Variants in KRT40 observed in about 807,000 individuals in gnomAD.
The protein encoded by KRT40 is keratin, type I cytoskeletal 40.
KRT40 carries 47 observed loss-of-function variants against 43.5 expected under a neutral mutation model. That is an observed-to-expected ratio of 1.08 (90% CI 0.86 to 1.38). The LOEUF (loss-of-function observed/expected upper bound fraction) is 1.38, where lower values mean the gene tolerates loss of function less well. KRT40 is among the 40% of genes most tolerant of loss of function. The pLI, the probability that KRT40 is intolerant of heterozygous loss-of-function variation, is 0.00. For missense variants in KRT40, 573 were observed against 523.6 expected (o/e 1.09, Z -0.92); for synonymous variants, 212 against 214.0 (o/e 0.99, Z 0.08).
At chr17:40,982,510 T>C in intron 2 of KRT40, 47 bp from the exon 3 acceptor site, 1 of 1,459,876 alleles carries the variant, frequency 6.8e-7, no homozygotes, top group Non-Finnish European at 9.1e-7. Context: ...CTGAACGCTG[T>C]GCAAAGTGTG....
chr17:40,980,893 C>T lies in KRT40; in HGVS notation c.867G>A (p.Gln289=), dbSNP rs765614023. The change falls in exon 5 of 7, where the codon CAG becomes CAA. Residue 289 remains glutamine, a synonymous_variant. Transcript: ENST00000377755. Reference sequence around the variant, plus strand: ...GCTGCTCCGCGCTGGACAGTTGCTGCTGATTCAGCTCTTCTGTCTGAAACA... The same window carrying T: ...GCTGCTCCGCGCTGGACAGTTGCTGTTGATTCAGCTCTTCTGTCTGAAACA... The part of the protein sequence containing the change: ...WLAVQTEELN[Q]QQLSSAEQLQ... 4.3e-6 allele frequency: 7 copies of T among 1,614,014 alleles called. No homozygotes were observed. The Admixed American group carries it at 1.2e-4, about 27-fold the overall frequency.
chr17:40,978,856 G>T lies in KRT40; in HGVS notation c.1144C>A (p.Leu382Met), dbSNP rs1170873928. The T allele has an allele frequency of 1.2e-6, 2 of 1,612,196 alleles. No individual in the cohort carries two copies. Among genetic ancestry groups the T allele is most frequent in the East Asian group, 4.5e-5 (2 of 44,824 alleles). Residue 382 changes from leucine (L) to methionine (M), a missense_variant, in exon 6 of 7, where the codon CTG (leucine) becomes ATG (methionine). Transcript: ENST00000377755. Reference sequence around the variant, plus strand: ...CAGTACGTGTTGATCTCACCCTCCAGCCGGGCCTTCACGTCCAGGAGCACC... The same window carrying T: ...CAGTACGTGTTGATCTCACCCTCCATCCGGGCCTTCACGTCCAGGAGCACC... The part of the protein sequence containing the change: ...YQVLLDVKAR[L>M]EGEINTYWGL...
upstream of KRT40, among the ~76,000 whole-genome samples, chr17:40,984,900 A>G (rs1329858099): frequency 6.8e-6 from 1 of 148,034 alleles, no homozygotes; most frequent in Non-Finnish European, 1.5e-5. Flanking sequence ...CTGCGTACAA[A>G]TGGAAAAGTC....
At position 40,978,815 on chromosome 17, in the gene KRT40, G is replaced by A. The variant is rs1215380560; in HGVS notation, c.1185C>T (p.Ser395=). The part of the protein sequence containing the change: ...EINTYWGLLD[S]EDSRLSCSPC... The stretch of plus-strand genomic sequence containing the variant: ...ACTGTGGAACTTGCCTGCTGTCCTC[G>A]CTGTCCAGCAGGCCCCAGTACGTGT... The change falls in exon 6 of 7, where the codon AGC becomes AGT. Residue 395 remains serine, a synonymous_variant. Coordinates refer to ENST00000377755, the MANE Select transcript of KRT40 (RefSeq NM_001389244.1). 2 of 1,611,120 alleles carry A rather than the reference G, an allele frequency of 1.2e-6. No individual in the cohort carries two copies. The highest frequency in any genetic ancestry group is 1.3e-5 in the African/African-American group (1 of 74,804).
chr17:40,981,181 C>A, intron 3 of KRT40, 30 bp from the exon 4 acceptor site: 1 of 1,612,168 alleles, frequency 6.2e-7, no homozygotes, highest in Non-Finnish European at 8.5e-7. Flanking sequence ...AAGAATGTCA[C>A]AGAATGGTGG....
Position 40,980,878 on chromosome 17 carries a change from G to A in KRT40, c.882C>T (p.Ser294=), listed in dbSNP as rs1295912254. 4 of 1,613,970 alleles carry A rather than the reference G, an allele frequency of 2.5e-6. No homozygotes were observed. The highest frequency in any genetic ancestry group is 1.1e-5 in the South Asian group (1 of 91,068). The change falls in exon 5 of 7, where the codon AGC becomes AGT. Residue 294 remains serine (S), a synonymous_variant. Transcript: ENST00000377755. ...TCTGGCAGCCCTGCAGCTGCTCCGC[G>A]CTGGACAGTTGCTGCTGATTCAGCT... ...TEELNQQQLS[S]AEQLQGCQME... is the part of the protein sequence containing the mutation.
chr17:40,983,825 AC>A lies in KRT40; in HGVS notation c.447+1del, dbSNP rs764212901. 6.2e-7 allele frequency: 1 copy of A among 1,612,550 alleles called. No individual in the cohort carries two copies. The highest frequency in any genetic ancestry group is 2.2e-5 in the East Asian group (1 of 44,826). ...GGAGCACTAGGGCAACAGGACACAG[AC>A]CTTTTGTTGGAGATCTTCAATGGTG... is the stretch of plus-strand genomic sequence containing the variant. On this transcript the variant is annotated splice_donor_variant, in intron 1 of 6. Transcript: ENST00000377755. LOFTEE classifies it high-confidence loss of function.
intron 3 of KRT40, 103 bp downstream of exon 3, chr17:40,982,204 A>G (rs1912199197): frequency 8.7e-7 from 1 of 1,148,066 alleles, no homozygotes; most frequent in East Asian, 2.7e-5. Context: ...ATTCCAGCTT[A>G]AACAACATCT....
Position 40,982,307 on chromosome 17 carries a change from C to T in KRT40, c.687G>A (p.Glu229=). 3 of 1,553,636 alleles carry T rather than the reference C, an allele frequency of 1.9e-6. No individual in the cohort carries two copies. The highest frequency in any genetic ancestry group is 1.2e-5 in the South Asian group (1 of 80,446). Residue 229 remains glutamate (E), a splice_region_variant and synonymous_variant, in exon 3 of 7, where the codon GAG becomes GAA. Coordinates refer to ENST00000377755, the MANE Select transcript of KRT40 (RefSeq NM_001389244.1). The part of the protein sequence containing the change: ...DLLCLKKNHE[E]EVNLLREQLG... ...TCAGCGGAGTTGCCACTTTCCTTAC[C>T]TCTTCATGGTTTTTCTTAAGGCAAA...
rs546727328 is a variant in KRT40 at position 40,983,483 on chromosome 17, A to G, written c.447+344T>C. On this transcript the variant is annotated intron_variant, in intron 1 of 6. Transcript: ENST00000377755. ...GGAGAGAAGAAAATGATTACTAGGTAGTTAAAAAGATGGCATTTCATGATC... is the reference window on the plus strand; with the variant it reads ...GGAGAGAAGAAAATGATTACTAGGTGGTTAAAAAGATGGCATTTCATGATC... Among the ~76,000 whole-genome samples, 18 of 152,344 alleles carry G rather than the reference A, an allele frequency of 1.2e-4. No individual in the cohort carries two copies. The South Asian group carries it at 3.5e-3, about 30-fold the overall frequency.
At position 40,978,833 on chromosome 17, in the gene KRT40, G is replaced by A. The variant is rs1911947366; in HGVS notation, c.1167C>T (p.Tyr389=). ...TGTCCTCGCTGTCCAGCAGGCCCCA[G>A]TACGTGTTGATCTCACCCTCCAGCC... ...KARLEGEINT[Y]WGLLDSEDSR... is the part of the protein sequence containing the mutation. The change falls in exon 6 of 7, where the codon TAC becomes TAT. Residue 389 remains tyrosine, a synonymous_variant. Coordinates refer to ENST00000377755, the MANE Select transcript of KRT40 (RefSeq NM_001389244.1). 2 of 1,612,894 alleles carry A rather than the reference G, an allele frequency of 1.2e-6. No individual in the cohort carries two copies. The highest frequency in any genetic ancestry group is 1.7e-6 in the Non-Finnish European group (2 of 1,179,992).
At position 40,982,436 on chromosome 17, in the gene KRT40, C is replaced by T; in HGVS notation, c.558G>A (p.Gln186=). 6.2e-7 allele frequency: 1 copy of T among 1,605,496 alleles called. No homozygotes were observed. The highest frequency in any genetic ancestry group is 8.5e-7 in the Non-Finnish European group (1 of 1,176,190). The part of the protein sequence containing the change: ...SKYESELSLR[Q]LLEADISSLH... ...GGCTGCTGATGTCAGCCTCTAACAGCTGGCGAAGGGACAGTTCACTCTCGT... is the reference window on the plus strand; with the variant it reads ...GGCTGCTGATGTCAGCCTCTAACAGTTGGCGAAGGGACAGTTCACTCTCGT... The change falls in exon 3 of 7, where the codon CAG becomes CAA. Residue 186 remains glutamine, a synonymous_variant. Transcript: ENST00000377755.
rs755061052 is a variant in KRT40 at position 40,983,846 on chromosome 17, A to G, written c.428T>C (p.Ile143Thr). ...ACAGACCTTTTGTTGGAGATCTTCA[A>G]TGGTGTTGAAGTAACGCTGATAATC... ...CPDYQRYFNT[I>T]EDLQQKILCT... is the part of the protein sequence containing the mutation. The change falls in exon 1 of 7, where the codon ATT becomes ACT. Residue 143 changes from isoleucine (I) to threonine (T), a missense_variant. By Grantham distance (89) the Ile-to-Thr change is moderately conservative (BLOSUM62 -1). Coordinates refer to ENST00000377755, the MANE Select transcript of KRT40 (RefSeq NM_001389244.1). 1 of 1,613,752 alleles carries G rather than the reference A, an allele frequency of 6.2e-7. No individual in the cohort carries two copies. Among genetic ancestry groups the G allele is most frequent in the Non-Finnish European group, 8.5e-7 (1 of 1,179,804 alleles).
At chr17:40,985,764 C>A (rs1193924119), upstream of KRT40, among the ~76,000 whole-genome samples, 1 of 152,078 alleles carries the variant, frequency 6.6e-6, no homozygotes, top group Non-Finnish European at 1.5e-5. Context: ...TGCTCTGCAA[C>A]AAATATGAGT....
chr17:40,985,539 A>G (rs1316290547), upstream of KRT40, among the ~76,000 whole-genome samples: 1 of 152,190 alleles, frequency 6.6e-6, no homozygotes, highest in Non-Finnish European at 1.5e-5. Flanking sequence ...ATCCAGAATA[A>G]ACTTATTTTT....
chr17:40,981,289 T>G, intron 3 of KRT40, 138 bp from the exon 4 acceptor site: 1 of 1,503,414 alleles, frequency 6.7e-7, no homozygotes, highest in Non-Finnish European at 9.0e-7. Context: ...GGGCTGAATC[T>G]CTTTTCACCA....
chr17:40,980,568 G>A (rs1912083352), intron 5 of KRT40, among the ~76,000 whole-genome samples: 1 of 152,092 alleles, frequency 6.6e-6, no homozygotes, highest in Non-Finnish European at 1.5e-5. Flanking sequence ...CCCTGTCTCT[G>A]GAGGCTGCTG....
chr17:40,986,710 T>C (rs1912483315), upstream of KRT40, among the ~76,000 whole-genome samples: 1 of 148,728 alleles, frequency 6.7e-6, no homozygotes, highest in Non-Finnish European at 1.5e-5. Flanking sequence ...GAAAAAGAAA[T>C]AGACATCATG....
chr17:40,980,871 G>A lies in KRT40; in HGVS notation c.889C>T (p.Gln297Ter). The change falls in exon 5 of 7, where the codon CAG becomes TAG. Residue 297 changes from glutamine (Q) to a stop codon, truncating the protein, a stop_gained. Transcript: ENST00000377755. LOFTEE classifies it high-confidence loss of function. ...LNQQQLSSAE[Q>*]LQGCQMEILE... ...ATCTCCATCTGGCAGCCCTGCAGCT[G>A]CTCCGCGCTGGACAGTTGCTGCTGA... The A allele has an allele frequency of 1.2e-6, 2 of 1,613,832 alleles. No individual in the cohort carries two copies. The highest frequency in any genetic ancestry group is 1.7e-6 in the Non-Finnish European group (2 of 1,180,004).
Sources: gnomAD v4.1 joint callset for allele counts (sites outside exome capture counted in the v4.1 genomes callset) on GRCh38, gnomAD v4.1.1 for gene constraint, MANE v1.5 for transcripts, NCBI Gene and HGNC (gene_info 2026-07-23, HGNC 2026-07-21) for gene names.